Variants in IDH1 observed in about 807,000 individuals in gnomAD.
IDH1 encodes isocitrate dehydrogenase [NADP] cytoplasmic.
In IDH1, 33 loss-of-function variants were observed where a neutral mutation model predicts 46.1. That is an observed-to-expected ratio of 0.72 (90% CI 0.54 to 0.96). IDH1 has a LOEUF of 0.96. Among genes scored for constraint, IDH1 ranks in the 40% least tolerant of loss-of-function variants. IDH1 has a pLI of 0.00. For synonymous variants in IDH1, 144 were observed against 172.8 expected, an observed-to-expected ratio of 0.83 and a Z score of 1.31; for missense variants, 421 against 515.7, an observed-to-expected ratio of 0.82 and a Z score of 1.78.
In IDH1 at chr2:208,236,961, G is replaced by A; in HGVS notation, c.*118C>T. 1 of 662,596 alleles carries A rather than the reference G, an allele frequency of 1.5e-6. No homozygotes were observed. The highest frequency in any genetic ancestry group is 1.7e-5 in the South Asian group (1 of 58,210). The allele number at this position is 662,596 out of a possible 1,614,324, so 41.0% of individuals were successfully genotyped here. On this transcript the variant is annotated 3_prime_UTR_variant, in exon 10 of 10. Transcript: ENST00000345146. Reference sequence around the variant, plus strand: ...AAACTTATAGAAAAGATAAACTCTGGCTTCTAAACAAATTACAAAATTGAT... The same window carrying A: ...AAACTTATAGAAAAGATAAACTCTGACTTCTAAACAAATTACAAAATTGAT...
At position 208,253,898 on chromosome 2, in the gene IDH1, T is replaced by C. The variant is rs1035301766; in HGVS notation, c.-29A>G. 5.3e-5 allele frequency: 8 copies of C among 152,250 alleles called. No individual in the cohort carries two copies. Among genetic ancestry groups the C allele is most frequent in the African/African-American group, 1.7e-4 (7 of 41,462 alleles). The allele number at this position is 152,250 out of a possible 1,614,324, so 9.4% of individuals were successfully genotyped here. Reference sequence around the variant, plus strand: ...TGCTAATTCTCACCTTGACAGTGAATAGATTTCTTATCACCCCAGTTCCTC... The same window carrying C: ...TGCTAATTCTCACCTTGACAGTGAACAGATTTCTTATCACCCCAGTTCCTC... On this transcript the variant is annotated 5_prime_UTR_variant, in exon 2 of 10. Coordinates refer to ENST00000345146, the MANE Select transcript of IDH1 (RefSeq NM_005896.4).
intron 6 of IDH1, among the ~76,000 whole-genome samples, chr2:208,243,158 C>T (rs1438575780): frequency 1.3e-5 from 2 of 152,348 alleles, no homozygotes; most frequent in South Asian, 2.1e-4. Flanking sequence ...TTATCACTAA[C>T]AGCGTACGTT....
chr2:208,251,691 T>A (rs1448309614), intron 2 of IDH1, 124 bp from the exon 3 acceptor site: 3 of 721,280 alleles, frequency 4.2e-6, no homozygotes, highest in Admixed American at 5.4e-5. Flanking sequence ...GCAATTCAAT[T>A]TATGTGTAGT....
Position 208,242,151 on chromosome 2 carries a change from A to C in IDH1, c.699-6T>G. 6.2e-7 allele frequency: 1 copy of C among 1,613,448 alleles called. No individual in the cohort carries two copies. Among genetic ancestry groups the C allele is most frequent in the Non-Finnish European group, 8.5e-7 (1 of 1,179,528 alleles). On this transcript the variant is annotated splice_region_variant and splice_polypyrimidine_tract_variant and intron_variant, in intron 6 of 9. Transcript: ENST00000345146. ...CAAACTGGGACTTGTACTGCCTGGG[A>C]AACAAAAGGTAAAAGAGAATAATAA... is the stretch of plus-strand genomic sequence containing the variant.
chr2:208,240,257 G>A (rs1375017405), intron 7 of IDH1: 11 of 511,248 alleles, frequency 2.2e-5, no homozygotes, highest in Non-Finnish European at 3.6e-5. Flanking sequence ...GGAGGGTTCA[G>A]GGTCCAACTG....
intron 9 of IDH1, 78 bp downstream of exon 9, chr2:208,238,993 C>T: frequency 7.9e-7 from 1 of 1,262,906 alleles, no homozygotes; most frequent in Non-Finnish European, 1.2e-6. Context: ...TTATATAATT[C>T]CAGAAAGCAC....
intron 9 of IDH1, among the ~76,000 whole-genome samples, chr2:208,238,553 A>G (rs1687860799): frequency 6.6e-6 from 1 of 152,224 alleles, no homozygotes; most frequent in African/African-American, 2.4e-5. Flanking sequence ...ACAGATACTT[A>G]AGGGACTGTA....
rs1199592031 is a variant in IDH1 at position 208,247,062 on chromosome 2, G to A, written c.414+1307C>T. ...CACTGCCATCTACCTTCCCTTGCTT[G>A]GGCCCCTGGGAGCTATTTCTGAAGG... On this transcript the variant is annotated intron_variant, in intron 4 of 9. Coordinates refer to ENST00000345146, the MANE Select transcript of IDH1 (RefSeq NM_005896.4). 2.0e-5 allele frequency among the ~76,000 whole-genome samples: 3 copies of A among 152,142 alleles called. No individual in the cohort carries two copies. The East Asian group carries it at 5.8e-4, about 29-fold the overall frequency.
chr2:208,240,994 C>T (rs1194022013), intron 7 of IDH1, among the ~76,000 whole-genome samples: 1 of 152,108 alleles, frequency 6.6e-6, no homozygotes, highest in East Asian at 1.9e-4. Flanking sequence ...TTGGGAAAAA[C>T]AAACATAATT....
At chr2:208,237,635 G>A (rs1687836250) in intron 9 of IDH1, among the ~76,000 whole-genome samples, 1 of 151,994 alleles carries the variant, frequency 6.6e-6, no homozygotes, top group Non-Finnish European at 1.5e-5. Context: ...AAAAACAAAA[G>A]ACAGGCCGGG....
intron 9 of IDH1, among the ~76,000 whole-genome samples, chr2:208,238,377 G>A (rs1476602569): frequency 1.3e-5 from 2 of 152,172 alleles, no homozygotes; most frequent in African/African-American, 2.4e-5. Context: ...GAAACATGCA[G>A]TGACCAAGTA....
At chr2:208,253,536 ATCCTATC>A (rs1688160544) in intron 2 of IDH1, among the ~76,000 whole-genome samples, 1 of 152,244 alleles carries the variant, frequency 6.6e-6, no homozygotes, top group South Asian at 2.1e-4. Context: ...AAGTAGCTGA[ATCCTATC>A]TCCTAACATA....
intron 8 of IDH1, 92 bp from the exon 9 acceptor site, chr2:208,239,325 T>C: frequency 1.5e-6 from 2 of 1,355,498 alleles, no homozygotes; most frequent in Non-Finnish European, 2.1e-6. Context: ...GAATAGTTTT[T>C]TGTTTAGGTG....
chr2:208,240,128 GGA>G, intron 7 of IDH1, 125 bp from the exon 8 acceptor site: 1 of 960,540 alleles, frequency 1.0e-6, no homozygotes, highest in Non-Finnish European at 1.6e-6. Context: ...AAGAGCACAT[GGA>G]ATCACCAATA....
At chr2:208,248,310 A>T (rs1688059517) in intron 4 of IDH1, 59 bp downstream of exon 4, 1 of 1,522,202 alleles carries the variant, frequency 6.6e-7, no homozygotes, top group Admixed American at 1.7e-5. Flanking sequence ...ACAAGTTGGA[A>T]ATTTCTGGGC....
In IDH1 at chr2:208,237,067, T is replaced by A. The variant is rs1687823987; in HGVS notation, c.*12A>T. The A allele has an allele frequency of 6.8e-7, 1 of 1,461,968 alleles. No homozygotes were observed. The highest frequency in any genetic ancestry group is 1.4e-5 in the African/African-American group (1 of 71,788). The allele number at this position is 1,461,968 out of a possible 1,614,324, so 90.6% of individuals were successfully genotyped here. A position where few individuals can be genotyped will look rare whatever the true frequency, so the allele number is the denominator to read the frequency against. ...CCAAAAGACAATTATCCTTCTTAGC[T>A]CAGGTATGAACTTAAAGTTTGGCCT... On this transcript the variant is annotated 3_prime_UTR_variant, in exon 10 of 10. Coordinates refer to ENST00000345146, the MANE Select transcript of IDH1 (RefSeq NM_005896.4).
intron 2 of IDH1, among the ~76,000 whole-genome samples, chr2:208,252,838 C>A (rs1347089005): frequency 6.6e-6 from 1 of 152,216 alleles, no homozygotes; most frequent in African/African-American, 2.4e-5. Context: ...ATTCTTCTTA[C>A]TAGTGTTTAG....
In IDH1 at chr2:208,240,706, A is replaced by G. The variant is rs905875798; in HGVS notation, c.851-703T>C. 5.3e-5 allele frequency among the ~76,000 whole-genome samples: 8 copies of G among 152,154 alleles called. No individual in the cohort carries two copies. In the South Asian group the frequency reaches 1.7e-3, roughly 32 times the overall value. On this transcript the variant is annotated intron_variant, in intron 7 of 9. Transcript: ENST00000345146. Reference sequence around the variant, plus strand: ...GAACCACATTACAACTCTTATATCTATATAATTGATTTTCTTCTTTTCTCC... The same window carrying G: ...GAACCACATTACAACTCTTATATCTGTATAATTGATTTTCTTCTTTTCTCC...
At chr2:208,238,076 C>T (rs529425534) in intron 9 of IDH1, among the ~76,000 whole-genome samples, 1 of 147,986 alleles carries the variant, frequency 6.8e-6, no homozygotes, top group South Asian at 2.2e-4. Context: ...CGCTCTGTCA[C>T]GCAGGCTGGA....
Sources: gnomAD v4.1 joint callset for allele counts (sites outside exome capture counted in the v4.1 genomes callset) on GRCh38, gnomAD v4.1.1 for gene constraint, MANE v1.5 for transcripts, NCBI Gene and HGNC (gene_info 2026-07-23, HGNC 2026-07-21) for gene names.